Variants in AKAP19 observed in about 807,000 individuals in gnomAD.
AKAP19 encodes A-kinase anchoring protein 19, also known as small A-kinase anchoring protein.
the AKAP19 span, chr2:189,924,282 A>T: frequency 1.8e-6 from 2 of 1,111,358 alleles, no homozygotes; most frequent in South Asian, 1.3e-5. Context: ...CTAAGATCAA[A>T]TTTTTCACCA....
chr2:189,901,858 T>C, the AKAP19 span, among the ~76,000 whole-genome samples: 1 of 152,200 alleles, frequency 6.6e-6, no homozygotes, highest in Non-Finnish European at 1.5e-5. Flanking sequence ...AGTTACTGTA[T>C]GTTTGCATTT....
the AKAP19 span, among the ~76,000 whole-genome samples, chr2:189,911,188 C>T: frequency 3.9e-5 from 6 of 152,010 alleles, no homozygotes; most frequent in Non-Finnish European, 5.9e-5. Flanking sequence ...GTAAGAATTA[C>T]GAGTAACACT....
At chr2:189,930,536 C>G in the AKAP19 span, 2 of 207,916 alleles carry the variant, frequency 9.6e-6, no homozygotes, top group African/African-American at 4.7e-5. Flanking sequence ...AATTAGCTGG[C>G]GTGGTGGCGC....
At chr2:190,088,642 TATCA>T in the AKAP19 span, among the ~76,000 whole-genome samples, 4 of 152,228 alleles carry the variant, frequency 2.6e-5, no homozygotes, top group Non-Finnish European at 5.9e-5. Context: ...ATCATGTTAA[TATCA>T]ATTAGAAATT....
chr2:189,974,992 T>C, the AKAP19 span, among the ~76,000 whole-genome samples: 1 of 152,348 alleles, frequency 6.6e-6, no homozygotes, highest in Non-Finnish European at 1.5e-5. Context: ...TTAAAGTTAA[T>C]ATTGTTGTGT....
At chr2:190,104,373 A>T in the AKAP19 span, among the ~76,000 whole-genome samples, 1 of 152,232 alleles carries the variant, frequency 6.6e-6, no homozygotes, top group East Asian at 1.9e-4. Context: ...ATAGAGCAAA[A>T]GAAACTATTA....
At chr2:190,100,250 T>TTA in the AKAP19 span, among the ~76,000 whole-genome samples, 2 of 150,942 alleles carry the variant, frequency 1.3e-5, no homozygotes, top group African/African-American at 4.9e-5. Flanking sequence ...CTGCAAGAAA[T>TTA]AAAAAAAAAC....
the AKAP19 span, among the ~76,000 whole-genome samples, chr2:190,075,752 C>T: frequency 0.062 from 9,373 of 152,036 alleles, 944 homozygotes; most frequent in African/African-American, 0.21. Context: ...TTTTGGTAGA[C>T]CACATGTAGT....
At chr2:190,123,173 C>T in the AKAP19 span, among the ~76,000 whole-genome samples, 1 of 152,072 alleles carries the variant, frequency 6.6e-6, no homozygotes, top group African/African-American at 2.4e-5. Context: ...TGTTATATAA[C>T]TTATTCTGAG....
At chr2:189,932,622 T>G in the AKAP19 span, among the ~76,000 whole-genome samples, 1 of 151,582 alleles carries the variant, frequency 6.6e-6, no homozygotes, top group Admixed American at 6.6e-5. Context: ...GAAGGATTGC[T>G]TGAACCTGGG....
At chr2:190,045,131 A>G in the AKAP19 span, among the ~76,000 whole-genome samples, 7 of 151,980 alleles carry the variant, frequency 4.6e-5, no homozygotes, top group African/African-American at 1.2e-4. Context: ...ACAAATCTCT[A>G]TCAGCCAGAG....
At chr2:190,032,573 T>TG in the AKAP19 span, among the ~76,000 whole-genome samples, 1 of 152,238 alleles carries the variant, frequency 6.6e-6, no homozygotes, top group African/African-American at 2.4e-5. Context: ...CCCCTACTAA[T>TG]GTGCCTTTTA....
At chr2:189,971,070 G>C in the AKAP19 span, among the ~76,000 whole-genome samples, 1 of 151,964 alleles carries the variant, frequency 6.6e-6, no homozygotes, top group Non-Finnish European at 1.5e-5. Flanking sequence ...TGCCTTGTTG[G>C]TGTGCTGCAC....
At chr2:189,892,790 G>T in the AKAP19 span, among the ~76,000 whole-genome samples, 1 of 152,210 alleles carries the variant, frequency 6.6e-6, no homozygotes, top group Non-Finnish European at 1.5e-5. Flanking sequence ...TCTCTTCAGA[G>T]CTGGTAGGCA....
the AKAP19 span, among the ~76,000 whole-genome samples, chr2:189,978,805 GAAAT>G: frequency 6.6e-6 from 1 of 151,922 alleles, no homozygotes; most frequent in Non-Finnish European, 1.5e-5. Flanking sequence ...AGCTGAGAAC[GAAAT>G]AAATAACTCA....
the AKAP19 span, among the ~76,000 whole-genome samples, chr2:189,885,967 C>T: frequency 1.6e-4 from 24 of 152,186 alleles, no homozygotes; most frequent in African/African-American, 5.5e-4. Flanking sequence ...CACCACCAAG[C>T]CCAGCTAATT....
the AKAP19 span, among the ~76,000 whole-genome samples, chr2:190,100,899 G>A: frequency 6.6e-6 from 1 of 152,170 alleles, no homozygotes; most frequent in African/African-American, 2.4e-5. Flanking sequence ...AGCCCCAGTA[G>A]GTGAGAGAGG....
the AKAP19 span, among the ~76,000 whole-genome samples, chr2:189,896,419 G>C: frequency 6.6e-6 from 1 of 152,078 alleles, no homozygotes; most frequent in Non-Finnish European, 1.5e-5. Flanking sequence ...TTGTGTCATG[G>C]CTTTCTAGGT....
chr2:190,055,479 T>C, the AKAP19 span, among the ~76,000 whole-genome samples: 1 of 151,750 alleles, frequency 6.6e-6, no homozygotes, highest in Non-Finnish European at 1.5e-5. Context: ...TAAAGTATAA[T>C]AAAAAAATAA....
Sources: gnomAD v4.1 joint callset for allele counts (sites outside exome capture counted in the v4.1 genomes callset) on GRCh38, gnomAD v4.1.1 for gene constraint, MANE v1.5 for transcripts, NCBI Gene and HGNC (gene_info 2026-07-23, HGNC 2026-07-21) for gene names.